AMBRA1: variants seen among roughly 807,000 people sequenced by gnomAD.
AMBRA1 encodes the protein autophagy and beclin 1 regulator 1.
Under a neutral mutation model 125.4 loss-of-function variants are expected in AMBRA1, and 47 were observed. The observed-to-expected ratio is 0.37, with a 90% CI of 0.30 to 0.48. The LOEUF is 0.48. Among genes scored for constraint, AMBRA1 ranks in the 20% least tolerant of loss-of-function variants. The pLI is 0.99. For synonymous variants in AMBRA1, 626 were observed against 655.5 expected (o/e 0.95, Z 0.69); for missense variants, 1,331 against 1,693.4 (o/e 0.79, Z 3.76).
intron 11 of AMBRA1, among the ~76,000 whole-genome samples, chr11:46,462,597 C>T (rs1027808985): frequency 6.6e-5 from 10 of 152,138 alleles, no homozygotes; most frequent in African/African-American, 1.9e-4. Flanking sequence ...AGACCCATCA[C>T]TTTGTACATG....
intron 9 of AMBRA1, among the ~76,000 whole-genome samples, chr11:46,504,191 G>A (rs989152437): frequency 6.6e-6 from 1 of 152,196 alleles, no homozygotes; most frequent in African/African-American, 2.4e-5. Context: ...ATATGGGCTA[G>A]GGAGGATTCT....
At chr11:46,457,245 A>G (rs1045316595) in intron 11 of AMBRA1, among the ~76,000 whole-genome samples, 6 of 152,232 alleles carry the variant, frequency 3.9e-5, no homozygotes, top group African/African-American at 1.4e-4. Context: ...TAAGGACAGC[A>G]TGGTGTCAGT....
chr11:46,495,904 A>T (rs1263194061), intron 9 of AMBRA1, among the ~76,000 whole-genome samples: 1 of 152,218 alleles, frequency 6.6e-6, no homozygotes, highest in Non-Finnish European at 1.5e-5. Context: ...AAATATTTTG[A>T]AGTTAAAAAG....
chr11:46,408,438 AT>A, intron 17 of AMBRA1, 74 bp downstream of exon 17: 1 of 1,376,724 alleles, frequency 7.3e-7, no homozygotes, highest in Non-Finnish European at 9.5e-7. Context: ...GGGGGTATGC[AT>A]CCTGAGTGGG....
chr11:46,467,060 G>C (rs762502825), intron 11 of AMBRA1, among the ~76,000 whole-genome samples: 8 of 151,888 alleles, frequency 5.3e-5, no homozygotes, highest in Non-Finnish European at 1.2e-4. Flanking sequence ...TGGGACTAAG[G>C]TGCACGCCAC....
intron 11 of AMBRA1, among the ~76,000 whole-genome samples, chr11:46,483,026 A>G (rs1950134364): frequency 6.6e-6 from 1 of 151,628 alleles, no homozygotes; most frequent in African/African-American, 2.4e-5. Flanking sequence ...AAAAGAAAAA[A>G]AAAAAAGAGT....
chr11:46,554,717 G>T (rs1355989891), intron 1 of AMBRA1, among the ~76,000 whole-genome samples: 1 of 152,102 alleles, frequency 6.6e-6, no homozygotes, highest in Non-Finnish European at 1.5e-5. Flanking sequence ...AGTCACACAG[G>T]GCTGCTGATG....
At chr11:46,571,727 CG>C (rs1281509801) in intron 1 of AMBRA1, among the ~76,000 whole-genome samples, 24 of 380 alleles carry the variant, frequency 0.063, no homozygotes, top group South Asian at 0.21. Context: ...GTCCCTCTGT[CG>C]CCCCAGGCTG....
chr11:46,443,353 G>A (rs1344155316), intron 12 of AMBRA1, 135 bp downstream of exon 12: 6 of 660,452 alleles, frequency 9.1e-6, no homozygotes, highest in Non-Finnish European at 1.4e-5. Flanking sequence ...AGTTACAGAA[G>A]AGGTGCAGAA....
intron 7 of AMBRA1, among the ~76,000 whole-genome samples, chr11:46,531,448 G>A (rs1221159915): frequency 1.3e-5 from 2 of 151,954 alleles, no homozygotes; most frequent in Admixed American, 6.5e-5. Context: ...GGTGGCTCAC[G>A]CCTGTAATCC....
chr11:46,427,284 G>C (rs535981172), intron 14 of AMBRA1, among the ~76,000 whole-genome samples: 1 of 152,284 alleles, frequency 6.6e-6, no homozygotes, highest in Admixed American at 6.5e-5. Context: ...TGGATCCCAA[G>C]TTTTTTCTAT....
intron 7 of AMBRA1, among the ~76,000 whole-genome samples, chr11:46,515,038 T>A (rs1951416610): frequency 6.6e-6 from 1 of 152,210 alleles, no homozygotes; most frequent in African/African-American, 2.4e-5. Flanking sequence ...CAGCTGACTA[T>A]CCTAGAATAC....
intron 11 of AMBRA1, among the ~76,000 whole-genome samples, chr11:46,454,536 C>G (rs1182352977): frequency 6.8e-6 from 1 of 146,926 alleles, no homozygotes; most frequent in Non-Finnish European, 1.5e-5. Flanking sequence ...GAGATCGAGA[C>G]CATCCTGGCT....
chr11:46,418,037 G>C lies in AMBRA1; in HGVS notation c.2992C>G (p.Leu998Val), dbSNP rs551307770. 6.7e-5 allele frequency: 107 copies of C among 1,602,018 alleles called. No individual in the cohort carries two copies. The highest frequency in any genetic ancestry group is 4.0e-4 in the Admixed American group (24 of 59,624). Residue 998 changes from leucine to valine, a missense_variant, in exon 15 of 18, where the codon CTT becomes GTT. Leu to Val is a conservative substitution (Grantham distance 32). Around this residue, in one of 4 missense-constraint regions of AMBRA1, gnomAD observed 354 missense variants for 532.7 expected, o/e 0.66. Transcript: ENST00000683756. ...CGCTGGTCGGCAGGCATGGGATAAA[G>C]GACGTTGAAAACTCTCTAGGTAGAG... The part of the protein sequence containing the change: ...ETSMRRVFNV[L>V]YPMPADQRRH...
intron 14 of AMBRA1, among the ~76,000 whole-genome samples, chr11:46,423,657 C>G (rs1946965070): frequency 1.3e-5 from 2 of 151,726 alleles, no homozygotes; most frequent in Admixed American, 6.6e-5. Context: ...TCCCAAAGTG[C>G]TGGGATTACA....
At chr11:46,425,486 C>CCT (rs1355963565) in intron 14 of AMBRA1, among the ~76,000 whole-genome samples, 1 of 152,160 alleles carries the variant, frequency 6.6e-6, no homozygotes, top group Non-Finnish European at 1.5e-5. Flanking sequence ...CTACTGGGAA[C>CCT]CTCTCATCAT....
chr11:46,399,758 T>C (rs1369404420), intron 17 of AMBRA1, among the ~76,000 whole-genome samples: 2 of 152,156 alleles, frequency 1.3e-5, no homozygotes, highest in African/African-American at 2.4e-5. Flanking sequence ...CCCCAGTTAT[T>C]GTTCTCCTGG....
At chr11:46,472,370 A>G (rs1413122243) in intron 11 of AMBRA1, among the ~76,000 whole-genome samples, 1 of 152,208 alleles carries the variant, frequency 6.6e-6, no homozygotes, top group Non-Finnish European at 1.5e-5. Flanking sequence ...TAGTTCAGCT[A>G]CCGCAAATAA....
intron 12 of AMBRA1, among the ~76,000 whole-genome samples, chr11:46,436,559 C>T (rs184531425): frequency 1.8e-4 from 28 of 152,244 alleles, no homozygotes; most frequent in East Asian, 1.9e-4. Flanking sequence ...ACCATCTGGT[C>T]TAGCCTGTAA....
Sources: gnomAD v4.1 joint callset for allele counts (sites outside exome capture counted in the v4.1 genomes callset) on GRCh38, gnomAD v4.1.1 for gene constraint, gnomAD v4.1.1 regional missense constraint, MANE v1.5 for transcripts, NCBI Gene and HGNC (gene_info 2026-07-23, HGNC 2026-07-21) for gene names.